The following PCTP variants were observed in gnomAD, a reference collection of about 807,000 sequenced individuals.
The protein encoded by PCTP is START domain-containing protein 2.
In PCTP, 27 loss-of-function variants were observed where a neutral mutation model predicts 31.0. That is an observed-to-expected ratio of 0.87 (90% CI 0.64 to 1.20). The LOEUF (loss-of-function observed/expected upper bound fraction) is 1.20. PCTP is among the 50% of genes most tolerant of loss of function. The pLI is 0.00. For missense variants in PCTP, 287 were observed against 268.2 expected (o/e 1.07, Z -0.49); for synonymous variants, 108 against 101.2 (o/e 1.07, Z -0.40).
chr17:55,843,541 A>G (rs1906052655), downstream of PCTP, among the ~76,000 whole-genome samples: 1 of 152,144 alleles, frequency 6.6e-6, no homozygotes, highest in African/African-American at 2.4e-5. Context: ...TTTGTCTAGA[A>G]CATTCTTCCT....
At chr17:55,845,422 C>T (rs1906116221), downstream of PCTP, among the ~76,000 whole-genome samples, 6 of 152,174 alleles carry the variant, frequency 3.9e-5, no homozygotes, top group Non-Finnish European at 8.8e-5. Flanking sequence ...CCCCGTTCCC[C>T]GCGGGCTCCC....
intron 2 of PCTP, among the ~76,000 whole-genome samples, chr17:55,783,242 C>T (rs893851246): frequency 1.3e-5 from 2 of 152,034 alleles, no homozygotes; most frequent in African/African-American, 2.4e-5. Flanking sequence ...CGTTGGAGAG[C>T]TCATACTAGC....
In PCTP at chr17:55,788,615, T is replaced by G. The variant is rs542824483; in HGVS notation, c.317+961T>G. 5.3e-5 allele frequency among the ~76,000 whole-genome samples: 8 copies of G among 152,298 alleles called. 1 individual carries two copies. The South Asian group carries it at 1.7e-3, about 32-fold the overall frequency. ...GACTTATTATACTTATGATTGCTAG[T>G]GATTATATAGTCAGAATTTTACTGA... On this transcript the variant is annotated intron_variant, in intron 3 of 3. Coordinates refer to the PCTP transcript ENST00000572536.
intron 2 of PCTP, among the ~76,000 whole-genome samples, chr17:55,786,240 C>T (rs964116616): frequency 3.3e-5 from 5 of 152,168 alleles, no homozygotes; most frequent in Admixed American, 1.3e-4. Flanking sequence ...GAGCCAAGAT[C>T]ACCACTGCAC....
At chr17:55,828,296 G>A (rs1448364941) in intron 5 of PCTP, among the ~76,000 whole-genome samples, 1 of 152,174 alleles carries the variant, frequency 6.6e-6, no homozygotes, top group Admixed American at 6.5e-5. Context: ...AGTTTTGGGG[G>A]CTGGGCATCT....
chr17:55,790,424 T>C (rs935489044), intron 3 of PCTP, among the ~76,000 whole-genome samples: 1 of 151,588 alleles, frequency 6.6e-6, no homozygotes, highest in African/African-American at 2.4e-5. Flanking sequence ...CAGCCCAAAA[T>C]CTCCTTAAGC....
chr17:55,769,690 CTT>C (rs1020326697), intron 2 of PCTP: 5 of 152,232 alleles, frequency 3.3e-5, no homozygotes, highest in African/African-American at 1.2e-4. Flanking sequence ...TACTAAATCA[CTT>C]TTTGCTCTCA....
At chr17:55,840,174 G>A (rs1905927709) in intron 5 of PCTP, among the ~76,000 whole-genome samples, 1 of 152,092 alleles carries the variant, frequency 6.6e-6, no homozygotes, top group African/African-American at 2.4e-5. Context: ...AGTCTGCTGG[G>A]ACAGGGTGGG....
At chr17:55,813,229 C>T (rs928904721) in intron 3 of PCTP, among the ~76,000 whole-genome samples, 5 of 152,148 alleles carry the variant, frequency 3.3e-5, no homozygotes, top group Admixed American at 2.6e-4. Flanking sequence ...TTAAAAAATG[C>T]TATTTAAACA....
chr17:55,801,087 T>A (rs1013411226), intron 3 of PCTP, among the ~76,000 whole-genome samples: 5 of 152,104 alleles, frequency 3.3e-5, no homozygotes, highest in African/African-American at 1.2e-4. Flanking sequence ...TGTCTCCCAG[T>A]CTGGAGGCAC....
chr17:55,767,174 A>G (rs1027564742), intron 1 of PCTP, among the ~76,000 whole-genome samples, 161 bp from the exon 2 acceptor site: 2 of 152,040 alleles, frequency 1.3e-5, no homozygotes, highest in Admixed American at 1.3e-4. Flanking sequence ...CCTTTGTCAG[A>G]TGAGTAGGTT....
At chr17:55,751,318 G>C (rs1183792022) in intron 1 of PCTP, 74 bp downstream of exon 1, 1 of 1,515,182 alleles carries the variant, frequency 6.6e-7, no homozygotes, top group Non-Finnish European at 8.8e-7. Flanking sequence ...GGAGTGCGGG[G>C]CGGCAGTCGC....
intron 3 of PCTP, among the ~76,000 whole-genome samples, chr17:55,802,488 CA>C (rs1912419141): frequency 6.6e-6 from 1 of 152,214 alleles, no homozygotes; most frequent in South Asian, 2.1e-4. Flanking sequence ...ACTGGCAAAC[CA>C]AATCCAGCAG....
In PCTP at chr17:55,754,681, A is replaced by G. The variant is rs530302909; in HGVS notation, c.141+3437A>G. Among the ~76,000 whole-genome samples, 3 of 152,298 alleles carry G rather than the reference A, an allele frequency of 2.0e-5. No homozygotes were observed. The South Asian group carries it at 6.2e-4, about 32-fold the overall frequency. ...CAGATTCTTCTGGCCTCTCCATGCG[A>G]CATTCCTTCTTCCAGGGTATGAGGC... On this transcript the variant is annotated intron_variant, in intron 1 of 5. Coordinates refer to ENST00000268896, the MANE Select transcript of PCTP (RefSeq NM_021213.4).
At chr17:55,815,742 G>T (rs1357634881) in intron 3 of PCTP, among the ~76,000 whole-genome samples, 1 of 152,170 alleles carries the variant, frequency 6.6e-6, no homozygotes, top group Non-Finnish European at 1.5e-5. Flanking sequence ...TTTGAGGTTG[G>T]CTTGCATCGG....
At chr17:55,763,623 A>G (rs1910464621) in intron 1 of PCTP, among the ~76,000 whole-genome samples, 2 of 152,150 alleles carry the variant, frequency 1.3e-5, no homozygotes, top group African/African-American at 4.8e-5. Flanking sequence ...TATTTATACC[A>G]TGTGATTCCC....
At chr17:55,789,008 C>T (rs181854621) in intron 3 of PCTP, among the ~76,000 whole-genome samples, 13 of 152,298 alleles carry the variant, frequency 8.5e-5, no homozygotes, top group Admixed American at 8.5e-4. Context: ...CACCTACTGG[C>T]TTCCTGCCTC....
chr17:55,803,373 T>C (rs1912453756), intron 3 of PCTP, among the ~76,000 whole-genome samples: 1 of 152,252 alleles, frequency 6.6e-6, no homozygotes, highest in Non-Finnish European at 1.5e-5. Context: ...AAGTTTCATA[T>C]GGAAACAAAA....
At chr17:55,851,362 G>A in the PCTP span, among the ~76,000 whole-genome samples, 1 of 151,852 alleles carries the variant, frequency 6.6e-6, no homozygotes, top group African/African-American at 2.4e-5. Flanking sequence ...CTAAAACAGA[G>A]CTTTCAGATG....
Sources: gnomAD v4.1 joint callset for allele counts (sites outside exome capture counted in the v4.1 genomes callset) on GRCh38, gnomAD v4.1.1 for gene constraint, MANE v1.5 for transcripts, NCBI Gene and HGNC (gene_info 2026-07-23, HGNC 2026-07-21) for gene names.